The following TNN variants were observed in gnomAD, a reference collection of about 807,000 sequenced individuals.
TNN encodes tenascin N, also known as tenascin-N.
In TNN, 122 loss-of-function variants were observed where a neutral mutation model predicts 134.4. The ratio of observed to expected loss-of-function variants is 0.91; its 90% confidence interval spans 0.78 to 1.06. TNN has a LOEUF of 1.06. Among genes scored for constraint, TNN ranks in the 50% least tolerant of loss-of-function variants. The probability of loss-of-function intolerance (pLI) is 0.00; values close to 1 mark genes in which losing one functional copy is unlikely to be tolerated. For missense variants in TNN, 1,739 were observed against 1,699.4 expected (o/e 1.02, Z -0.41); for synonymous variants, 710 against 670.3 (o/e 1.06, Z -0.91).
Position 175,123,382 on chromosome 1 carries a change from C to T in TNN, c.2651-18C>T. The T allele has an allele frequency of 6.2e-7, 1 of 1,612,934 alleles. No individual in the cohort carries two copies. Among genetic ancestry groups the T allele is most frequent in the Non-Finnish European group, 8.5e-7 (1 of 1,179,670 alleles). ...CCTTTGTTCTAAAGTTCAGCCTTTT[C>T]TAAATCTTTTTAAAAAGAAATTGAC... On this transcript the variant is annotated intron_variant, in intron 11 of 18. Transcript: ENST00000239462.
chr1:175,112,593 C>G (rs1675057008), intron 9 of TNN, among the ~76,000 whole-genome samples: 1 of 49,594 alleles, frequency 2.0e-5, no homozygotes, highest in African/African-American at 7.4e-5. Flanking sequence ...ATTCAGCCGG[C>G]CGATCTTTTT....
At position 175,128,178 on chromosome 1, in the gene TNN, C is replaced by T. The variant is rs1006145631; in HGVS notation, c.3178+14C>T. On this transcript the variant is annotated intron_variant, in intron 14 of 18. Transcript: ENST00000239462. ...CCCTCTCCACAGGTAATATGGAATCCTGTACTCTGAACGACCGTGCAATGA... is the reference window on the plus strand; with the variant it reads ...CCCTCTCCACAGGTAATATGGAATCTTGTACTCTGAACGACCGTGCAATGA... 2.5e-6 allele frequency: 4 copies of T among 1,581,530 alleles called. No individual in the cohort carries two copies. The highest frequency in any genetic ancestry group is 1.4e-5 in the African/African-American group (1 of 73,564).
intron 9 of TNN, among the ~76,000 whole-genome samples, chr1:175,109,675 A>AT (rs1414149080): frequency 4.7e-5 from 7 of 147,750 alleles, no homozygotes; most frequent in African/African-American, 1.7e-4. Context: ...TATATATATT[A>AT]TATATATATA....
rs41266092 is a variant in TNN, at chr1:175,147,141, T to A, written c.*70T>A. Reference sequence around the variant, plus strand: ...CAGCTTGGGGCGGGGTGGGTAGTGGTCACTGCGGTCTGGGAGTGCTCAGAT... The same window carrying A: ...CAGCTTGGGGCGGGGTGGGTAGTGGACACTGCGGTCTGGGAGTGCTCAGAT... On this transcript the variant is annotated 3_prime_UTR_variant, in exon 19 of 19. Coordinates refer to ENST00000239462, the MANE Select transcript of TNN (RefSeq NM_022093.2). 0.03 allele frequency: 41,827 copies of A among 1,397,862 alleles called. 1,292 individuals are homozygous for A. Among genetic ancestry groups the A allele is most frequent in the African/African-American group, 0.16 (10,845 of 69,468 alleles). 86.6% of individuals were successfully genotyped at this position (1,397,862 alleles called of 1,614,324 possible). A position where few individuals can be genotyped will look rare whatever the true frequency, so the allele number is the denominator to read the frequency against.
intron 7 of TNN, 32 bp downstream of exon 7, chr1:175,094,285 C>T: frequency 6.7e-7 from 1 of 1,502,730 alleles, no homozygotes; most frequent in Non-Finnish European, 9.0e-7. Context: ...AAATAGGTTT[C>T]CTCATGGCAG....
At chr1:175,084,141 C>T (rs866398093) in intron 5 of TNN, among the ~76,000 whole-genome samples, 9 of 152,198 alleles carry the variant, frequency 5.9e-5, no homozygotes, top group Admixed American at 2.0e-4. Flanking sequence ...TTCCAGAGCT[C>T]GATCCCAGGG....
chr1:175,138,619 G>GCATTGCAGCT (rs1334446901), intron 17 of TNN, among the ~76,000 whole-genome samples: 3 of 152,138 alleles, frequency 2.0e-5, no homozygotes, highest in Non-Finnish European at 4.4e-5. Flanking sequence ...TGAAAAAAAA[G>GCATTGCAGCT]CATTGCAGCT....
chr1:175,118,648 A>T lies in TNN; in HGVS notation c.2474A>T (p.Asp825Val). 1 of 1,614,178 alleles carries T rather than the reference A, an allele frequency of 6.2e-7. No individual in the cohort carries two copies. Among genetic ancestry groups the T allele is most frequent in the Non-Finnish European group, 8.5e-7 (1 of 1,180,024 alleles). Residue 825 changes from aspartate to valine, a missense_variant, in exon 11 of 19, where the codon GAC becomes GTC. By Grantham distance (152) the Asp-to-Val change is radical. Coordinates refer to ENST00000239462, the MANE Select transcript of TNN (RefSeq NM_022093.2). ...VSWDPVQATI[D>V]RYVVHYTSAN... ...TGGGACCCGGTGCAGGCCACCATTG[A>T]CAGGTATGTGGTGCACTACACGTCT...
intron 9 of TNN, among the ~76,000 whole-genome samples, chr1:175,102,251 G>A (rs943295706): frequency 3.4e-5 from 5 of 146,390 alleles, no homozygotes; most frequent in South Asian, 4.5e-4. Context: ...AGTGGATCCC[G>A]CACTGGGGCT....
Position 175,118,557 on chromosome 1 carries a change from T to C in TNN, c.2387-4T>C, listed in dbSNP as rs1558365774. The C allele has an allele frequency of 6.2e-7, 1 of 1,612,720 alleles. No homozygotes were observed. Among genetic ancestry groups the C allele is most frequent in the Admixed American group, 1.7e-5 (1 of 59,524 alleles). ...TGCATATTGGTCAGCATTTTTTTTTTCAGACATTGACAGCCCCCAAAACCT... is the reference window on the plus strand; with the variant it reads ...TGCATATTGGTCAGCATTTTTTTTTCCAGACATTGACAGCCCCCAAAACCT... On this transcript the variant is annotated splice_region_variant and splice_polypyrimidine_tract_variant and intron_variant, in intron 10 of 18. Coordinates refer to ENST00000239462, the MANE Select transcript of TNN (RefSeq NM_022093.2).
chr1:175,096,584 C>T (rs1345160967), intron 7 of TNN, among the ~76,000 whole-genome samples: 1 of 152,168 alleles, frequency 6.6e-6, no homozygotes, highest in Non-Finnish European at 1.5e-5. Context: ...ATAATAAAGT[C>T]ATGCTAACCA....
intron 1 of TNN, among the ~76,000 whole-genome samples, chr1:175,077,073 G>T (rs774557777): frequency 3.6e-4 from 55 of 152,172 alleles, no homozygotes; most frequent in Non-Finnish European, 2.1e-4. Flanking sequence ...GGATCAAAGC[G>T]TGGCACACAA....
Position 175,145,552 on chromosome 1 carries a change from C to CA in TNN, c.3759+1025dup, listed in dbSNP as rs3028580. Reference sequence around the variant, plus strand: ...TGGGTGGCAGAGCAAGACCCTGTCTCAAAAAAAAAAAAAAAAAAAAAAAGC... The same window carrying CA: ...TGGGTGGCAGAGCAAGACCCTGTCTCAAAAAAAAAAAAAAAAAAAAAAAAGC... On this transcript the variant is annotated intron_variant, in intron 18 of 18. Coordinates refer to ENST00000239462, the MANE Select transcript of TNN (RefSeq NM_022093.2). 6.7e-3 allele frequency among the ~76,000 whole-genome samples: 193 copies of CA among 28,858 alleles called. 20 individuals are homozygous for CA. Among genetic ancestry groups the CA allele is most frequent in the Middle Eastern group, 0.029 (1 of 34 alleles). 18.9% of individuals were successfully genotyped at this position (28,858 alleles called of 152,430 possible).
intron 17 of TNN, among the ~76,000 whole-genome samples, chr1:175,144,177 C>T (rs1366910744): frequency 6.6e-6 from 1 of 152,106 alleles, no homozygotes; most frequent in East Asian, 1.9e-4. Context: ...AGAAACAGGC[C>T]TGAAGTTGGG....
Position 175,127,049 on chromosome 1 carries a change from C to T in TNN, c.3009C>T (p.Tyr1003=), listed in dbSNP as rs1675547109. The T allele has an allele frequency of 1.9e-6, 3 of 1,614,040 alleles. No homozygotes were observed. The highest frequency in any genetic ancestry group is 2.7e-5 in the African/African-American group (2 of 74,946). The part of the protein sequence containing the change: ...WTPPSAQIHG[Y]ILTYQFPDGT... ...CCCCCTCTGCTCAGATCCACGGCTA[C>T]ATTCTGACTTACCAGTTCCCAGATG... Residue 1003 remains tyrosine, a synonymous_variant, in exon 13 of 19, where the codon TAC becomes TAT. Coordinates refer to ENST00000239462, the MANE Select transcript of TNN (RefSeq NM_022093.2).
At chr1:175,075,269 A>G (rs542401744) in intron 1 of TNN, among the ~76,000 whole-genome samples, 4 of 152,328 alleles carry the variant, frequency 2.6e-5, no homozygotes, top group East Asian at 1.9e-4. Context: ...TTTATAATCA[A>G]TATAGTTGAA....
At position 175,077,708 on chromosome 1, in the gene TNN, A is replaced by G; in HGVS notation, c.290A>G (p.Lys97Arg). Residue 97 changes from lysine to arginine, a missense_variant, in exon 2 of 19, where the codon AAG (lysine) becomes AGG (arginine). Coordinates refer to ENST00000239462, the MANE Select transcript of TNN (RefSeq NM_022093.2). The stretch of plus-strand genomic sequence containing the variant: ...AACATCCGCCTTCAGACGCCACAGA[A>G]GGACTGCGAGTTGGCAGGCAGTGTC... ...RHNIRLQTPQ[K>R]DCELAGSVQD... 6.2e-7 allele frequency: 1 copy of G among 1,614,228 alleles called. No homozygotes were observed. Among genetic ancestry groups the G allele is most frequent in the Non-Finnish European group, 8.5e-7 (1 of 1,180,034 alleles).
At chr1:175,138,690 C>T (rs2157588) in intron 17 of TNN, among the ~76,000 whole-genome samples, 55,844 of 152,036 alleles carry the variant, frequency 0.37, 11,053 homozygotes, top group Non-Finnish European at 0.46. Context: ...TGGGTCTCCA[C>T]GGGCTGAAGA....
rs771583724 is a variant in TNN, at chr1:175,080,210, C to G, written c.832C>G (p.Leu278Val). 11 of 1,613,990 alleles carry G rather than the reference C, an allele frequency of 6.8e-6. No homozygotes were observed. In the South Asian group the frequency reaches 1.2e-4, roughly 18 times the overall value. Residue 278 changes from leucine (L) to valine (V), a missense_variant, in exon 4 of 19, where the codon CTG (leucine) becomes GTG (valine). Coordinates refer to ENST00000239462, the MANE Select transcript of TNN (RefSeq NM_022093.2). ...LQLLKNTEDS[L>V]LVSWEPSSQV... is the part of the protein sequence containing the mutation. ...GCTGCTCAAGAACACGGAGGATTCT[C>G]TGCTGGTGAGCTGGGAGCCCTCCAG...
Sources: gnomAD v4.1 joint callset for allele counts (sites outside exome capture counted in the v4.1 genomes callset) on GRCh38, gnomAD v4.1.1 for gene constraint, MANE v1.5 for transcripts, NCBI Gene and HGNC (gene_info 2026-07-23, HGNC 2026-07-21) for gene names.